The following PRKG2 variants were observed in gnomAD, a reference collection of about 807,000 sequenced individuals.
PRKG2 encodes the protein protein kinase cGMP-dependent 2.
A neutral mutation model predicts 97.2 loss-of-function variants in PRKG2; 33 were observed. That is an observed-to-expected ratio of 0.34 (90% CI 0.26 to 0.45). The LOEUF (loss-of-function observed/expected upper bound fraction) is 0.45, where lower values mean the gene tolerates loss of function less well. PRKG2 is among the 20% of genes least tolerant of loss of function. The pLI, the probability that PRKG2 is intolerant of heterozygous loss-of-function variation, is 1.00. For missense variants in PRKG2, 638 were observed against 900.0 expected (o/e 0.71, Z 3.73); for synonymous variants, 330 against 321.8 (o/e 1.03, Z -0.27).
At chr4:81,155,726 A>C (rs1392062689) in intron 6 of PRKG2, among the ~76,000 whole-genome samples, 15 of 151,882 alleles carry the variant, frequency 9.9e-5, no homozygotes, top group African/African-American at 3.4e-4. Flanking sequence ...CTAACAGCAG[A>C]TCTCTCGGCA....
chr4:81,190,764 AG>A (rs1752415588), intron 2 of PRKG2, among the ~76,000 whole-genome samples: 1 of 152,222 alleles, frequency 6.6e-6, no homozygotes, highest in Non-Finnish European at 1.5e-5. Flanking sequence ...TCCATCAAAA[AG>A]TGGGTGAAGA....
At chr4:81,157,739 C>G (rs10010193) in intron 6 of PRKG2, among the ~76,000 whole-genome samples, 12,101 of 151,014 alleles carry the variant, frequency 0.08, 1,678 homozygotes, top group African/African-American at 0.28. Flanking sequence ...ACATGATCAA[C>G]TGGGCTTCAT....
At chr4:81,131,836 G>C (rs1007143000) in intron 14 of PRKG2, among the ~76,000 whole-genome samples, 1 of 152,008 alleles carries the variant, frequency 6.6e-6, no homozygotes, top group African/African-American at 2.4e-5. Flanking sequence ...ATACTGCCTT[G>C]ATTACTGTAG....
At chr4:81,137,590 C>T in intron 12 of PRKG2, 108 bp from the exon 13 acceptor site, 1 of 821,782 alleles carries the variant, frequency 1.2e-6, no homozygotes, top group East Asian at 2.5e-5. Flanking sequence ...ATACTCATCT[C>T]CATATAAATA....
chr4:81,178,217 T>C (rs947080980), intron 2 of PRKG2, among the ~76,000 whole-genome samples: 3 of 151,822 alleles, frequency 2.0e-5, no homozygotes, highest in African/African-American at 7.2e-5. Context: ...CTATTTTGGT[T>C]ACAACTATCA....
chr4:81,162,212 A>C (rs1749639815), intron 6 of PRKG2, among the ~76,000 whole-genome samples: 1 of 152,156 alleles, frequency 6.6e-6, no homozygotes, highest in Non-Finnish European at 1.5e-5. Context: ...TGTTTAGTGC[A>C]CACCAGGTAC....
In PRKG2 at chr4:81,152,092, A is replaced by G. The variant is rs111241311; in HGVS notation, c.991-38T>C. On this transcript the variant is annotated intron_variant, in intron 7 of 18. Transcript: ENST00000264399. ...AAGCAATACAAACAGAAAGAGACTG[A>G]AGAAAAAGGAGAATCTGAACACACA... is the stretch of plus-strand genomic sequence containing the variant. 6,602 of 1,475,142 alleles carry G rather than the reference A, an allele frequency of 4.5e-3. 28 individuals are homozygous for G. Among genetic ancestry groups the G allele is most frequent in the Non-Finnish European group, 5.6e-3 (6,015 of 1,066,270 alleles). The allele number at this position is 1,475,142 out of a possible 1,614,324, so 91.4% of individuals were successfully genotyped here. A position where few individuals can be genotyped will look rare whatever the true frequency, so the allele number is the denominator to read the frequency against.
Position 81,135,225 on chromosome 4 carries a change from C to T in PRKG2, c.1706G>A (p.Arg569Gln), listed in dbSNP as rs780864218. The T allele has an allele frequency of 1.9e-6, 3 of 1,612,074 alleles. No homozygotes were observed. Among genetic ancestry groups the T allele is most frequent in the South Asian group, 1.1e-5 (1 of 90,880 alleles). Residue 569 changes from arginine to glutamine, a missense_variant, in exon 14 of 19, where the codon CGA becomes CAA. Coordinates refer to ENST00000264399, the MANE Select transcript of PRKG2 (RefSeq NM_006259.3). ...CAAGTCTCTGTAGATAATACCTAGT[C>T]GATGCAGGTAATCAAATGCTTCTGT... The part of the protein sequence containing the change: ...CVTEAFDYLH[R>Q]LGIIYRDLKP...
At position 81,169,688 on chromosome 4, in the gene PRKG2, C is replaced by T. The variant is rs1750290805; in HGVS notation, c.823G>A (p.Glu275Lys). The T allele has an allele frequency of 1.2e-6, 2 of 1,607,058 alleles. No homozygotes were observed. The highest frequency in any genetic ancestry group is 1.7e-6 in the Non-Finnish European group (2 of 1,175,426). The change falls in exon 5 of 19, where the codon GAA (glutamate) becomes AAA (lysine). Residue 275 changes from glutamate (E) to lysine (K), a missense_variant. By Grantham distance (56) the Glu-to-Lys change is moderately conservative. Around this residue, in one of 3 missense-constraint regions of PRKG2, gnomAD observed 332 missense variants for 421.7 expected, o/e 0.79. Transcript: ENST00000264399. ...CTTCTGAGGAAGTTTCTGTATTGTT[C>T]ATCTCTAGCTTGGGCTGTCCTCCTC... Reference protein sequence around the residue: ...IMRRTAQARDEQYRNFLRSVS... With the variant: ...IMRRTAQARDKQYRNFLRSVS...
intron 1 of PRKG2, among the ~76,000 whole-genome samples, chr4:81,211,502 C>T (rs915392154): frequency 1.3e-5 from 2 of 152,104 alleles, no homozygotes; most frequent in African/African-American, 4.8e-5. Context: ...AAATTTCCTA[C>T]GCCACATTAT....
chr4:81,147,901 T>C (rs891428559), intron 9 of PRKG2, among the ~76,000 whole-genome samples: 4 of 152,158 alleles, frequency 2.6e-5, no homozygotes, highest in Non-Finnish European at 5.9e-5. Context: ...AATTTTATGT[T>C]GGGAATTTGC....
intron 15 of PRKG2, 147 bp from the exon 16 acceptor site, chr4:81,106,082 T>C: frequency 2.1e-6 from 2 of 935,910 alleles, no homozygotes; most frequent in South Asian, 3.7e-5. Flanking sequence ...CAAATTTAGA[T>C]ATATCCTAGA....
At chr4:81,116,994 T>A (rs1307248130) in intron 14 of PRKG2, among the ~76,000 whole-genome samples, 1 of 138,094 alleles carries the variant, frequency 7.2e-6, no homozygotes, top group Admixed American at 7.2e-5. Flanking sequence ...ACTTTTTTTT[T>A]TTTTTTTTTT....
chr4:81,173,675 T>C (rs1750678184), intron 3 of PRKG2: 1 of 152,086 alleles, frequency 6.6e-6, no homozygotes, highest in Non-Finnish European at 1.5e-5. Context: ...AATCATAAAA[T>C]TGGCATGTTC....
chr4:81,121,088 ATT>A (rs1382258749), intron 14 of PRKG2, among the ~76,000 whole-genome samples: 1 of 151,962 alleles, frequency 6.6e-6, no homozygotes, highest in Non-Finnish European at 1.5e-5. Flanking sequence ...GGTGTAATGG[ATT>A]ATATTCATTG....
rs760088808 is a variant in PRKG2 at position 81,105,954 on chromosome 4, G to C, written c.1941-19C>G. The C allele has an allele frequency of 6.2e-7, 1 of 1,608,788 alleles. No individual in the cohort carries two copies. Among genetic ancestry groups the C allele is most frequent in the South Asian group, 1.1e-5 (1 of 90,466 alleles). Reference sequence around the variant, plus strand: ...GGGTGGGCTAGATAGAGAAAATCCAGAACAGGACACATTAATAACAGGGTC... The same window carrying C: ...GGGTGGGCTAGATAGAGAAAATCCACAACAGGACACATTAATAACAGGGTC... On this transcript the variant is annotated intron_variant, in intron 15 of 18. Transcript: ENST00000264399.
chr4:81,168,479 G>A (rs1053979287), intron 5 of PRKG2, among the ~76,000 whole-genome samples: 4 of 152,084 alleles, frequency 2.6e-5, no homozygotes, highest in African/African-American at 7.2e-5. Flanking sequence ...CCTAGTTCAC[G>A]TTTTATCTCA....
At chr4:81,171,483 C>T (rs528702646) in intron 4 of PRKG2, among the ~76,000 whole-genome samples, 2 of 152,170 alleles carry the variant, frequency 1.3e-5, no homozygotes, top group South Asian at 2.1e-4. Context: ...ACATTTTATA[C>T]ACAGGTATCC....
At chr4:81,120,627 T>A (rs1372345803) in intron 14 of PRKG2, among the ~76,000 whole-genome samples, 1 of 152,220 alleles carries the variant, frequency 6.6e-6, no homozygotes, top group Non-Finnish European at 1.5e-5. Flanking sequence ...AGTGATTGAT[T>A]TTTGCATGTT....
Sources: allele counts gnomAD v4.1 joint callset (sites outside exome capture counted in the v4.1 genomes callset), GRCh38; gene constraint gnomAD v4.1.1; regional missense constraint gnomAD v4.1.1; transcripts MANE v1.5; gene names NCBI Gene and HGNC (gene_info 2026-07-23, HGNC 2026-07-21).